SPECC1L: variants seen among roughly 807,000 people sequenced by gnomAD.
SPECC1L encodes the protein cytospin-A.
In SPECC1L, 40 loss-of-function variants were observed where a neutral mutation model predicts 116.8. The observed-to-expected ratio is 0.34, with a 90% CI of 0.27 to 0.45. SPECC1L has a LOEUF of 0.45. Among genes scored for constraint, SPECC1L ranks in the 20% least tolerant of loss-of-function variants. The pLI is 1.00. For missense variants in SPECC1L, 1,110 were observed against 1,373.6 expected (o/e 0.81, Z 3.03); for synonymous variants, 504 against 500.6 (o/e 1.01, Z -0.09).
intron 14 of SPECC1L, among the ~76,000 whole-genome samples, chr22:24,400,308 A>T (rs2042448222): frequency 6.6e-6 from 1 of 152,210 alleles, no homozygotes; most frequent in African/African-American, 2.4e-5. Context: ...ATTTCATATA[A>T]ATAGAATCAT....
intron 3 of SPECC1L, among the ~76,000 whole-genome samples, chr22:24,305,177 T>C (rs1262332436): frequency 6.6e-6 from 1 of 152,232 alleles, no homozygotes; most frequent in East Asian, 1.9e-4. Context: ...ACTTTTTTTG[T>C]TGAAGTAAAG....
intron 14 of SPECC1L, among the ~76,000 whole-genome samples, chr22:24,409,727 G>A (rs1279262568): frequency 1.3e-5 from 2 of 152,158 alleles, no homozygotes; most frequent in Non-Finnish European, 2.9e-5. Flanking sequence ...GGAATAAGGT[G>A]CCCCTTAAAA....
At chr22:24,296,672 G>T (rs1478622793) in intron 2 of SPECC1L, among the ~76,000 whole-genome samples, 2 of 152,266 alleles carry the variant, frequency 1.3e-5, no homozygotes, top group Non-Finnish European at 2.9e-5. Context: ...CTCTGCCTGG[G>T]GGGGCTCTAG....
intron 2 of SPECC1L, among the ~76,000 whole-genome samples, chr22:24,297,783 G>A (rs1346850573): frequency 1.3e-5 from 2 of 152,320 alleles, no homozygotes; most frequent in East Asian, 3.9e-4. Context: ...TGGAAGATGA[G>A]TCCTCACTTT....
chr22:24,354,828 A>AT (rs752977778), intron 11 of SPECC1L, among the ~76,000 whole-genome samples: 10 of 151,600 alleles, frequency 6.6e-5, no homozygotes, highest in East Asian at 2.0e-4. Flanking sequence ...CACCTGGCTA[A>AT]TTTTTTTGTA....
In SPECC1L at chr22:24,377,042, C is replaced by T. The variant is rs1037085945; in HGVS notation, c.3087+7722C>T. Among the ~76,000 whole-genome samples the T allele has an allele frequency of 2.6e-5, 4 of 152,122 alleles. No homozygotes were observed. The East Asian group carries it at 7.7e-4, about 29-fold the overall frequency. On this transcript the variant is annotated intron_variant, in intron 14 of 16. Coordinates refer to ENST00000314328, the MANE Select transcript of SPECC1L (RefSeq NM_015330.6). The stretch of plus-strand genomic sequence containing the variant: ...CTATTTACTATAGGCAACCACTAAT[C>T]TACTTTCTGTCCTATAGATTTCTTT...
At chr22:24,334,157 C>T (rs1408918804) in intron 8 of SPECC1L, among the ~76,000 whole-genome samples, 5 of 151,798 alleles carry the variant, frequency 3.3e-5, no homozygotes, top group South Asian at 2.1e-4. Flanking sequence ...GGAGTACAGG[C>T]GCCCACCACC....
intron 6 of SPECC1L, among the ~76,000 whole-genome samples, chr22:24,327,650 T>TA (rs201501093): frequency 2.2e-4 from 32 of 148,190 alleles, no homozygotes; most frequent in South Asian, 8.6e-4. Context: ...GGATACTTAT[T>TA]AAAAAAAAAA....
intron 2 of SPECC1L, among the ~76,000 whole-genome samples, chr22:24,285,762 G>T (rs1222839642): frequency 1.3e-5 from 2 of 151,970 alleles, no homozygotes; most frequent in African/African-American, 2.4e-5. Flanking sequence ...TCCTGCCTCA[G>T]CCTTGAGTAG....
intron 14 of SPECC1L, among the ~76,000 whole-genome samples, chr22:24,399,337 G>A (rs1601349068): frequency 1.3e-5 from 2 of 152,176 alleles, no homozygotes; most frequent in East Asian, 1.9e-4. Context: ...TTGGGAGGCC[G>A]AGGCGGGTGG....
chr22:24,298,995 A>G (rs1366675520), intron 2 of SPECC1L, among the ~76,000 whole-genome samples: 7 of 152,206 alleles, frequency 4.6e-5, no homozygotes, highest in Admixed American at 3.3e-4. Flanking sequence ...GATAGCATTC[A>G]TGATAGGTAG....
intron 3 of SPECC1L, among the ~76,000 whole-genome samples, chr22:24,311,753 C>T (rs1417834760): frequency 4.9e-5 from 7 of 141,980 alleles, no homozygotes; most frequent in Admixed American, 4.6e-4. Context: ...TGCAGTGAGC[C>T]GAGATCATGC....
intron 3 of SPECC1L, among the ~76,000 whole-genome samples, chr22:24,309,408 A>AT (rs199820477): frequency 0.047 from 7,076 of 151,646 alleles, 284 homozygotes; most frequent in Middle Eastern, 0.095. Context: ...CTGAAGTTCA[A>AT]TTTTTTTTTC....
intron 4 of SPECC1L, among the ~76,000 whole-genome samples, chr22:24,316,788 G>A (rs2040578736): frequency 6.7e-6 from 1 of 148,748 alleles, no homozygotes; most frequent in Admixed American, 6.7e-5. Flanking sequence ...TCAATGAGCT[G>A]TTGGGTACAC....
chr22:24,307,478 C>G (rs2049523590), intron 3 of SPECC1L, among the ~76,000 whole-genome samples: 1 of 152,106 alleles, frequency 6.6e-6, no homozygotes. Context: ...CTCCCCTCCC[C>G]TCCACTTCAT....
chr22:24,380,187 T>G (rs567630891), intron 14 of SPECC1L, among the ~76,000 whole-genome samples: 12 of 152,166 alleles, frequency 7.9e-5, no homozygotes, highest in Non-Finnish European at 1.5e-4. Flanking sequence ...GCATAATCTT[T>G]TAAAACTGAA....
intron 14 of SPECC1L, among the ~76,000 whole-genome samples, 172 bp from the exon 15 acceptor site, chr22:24,411,416 C>T (rs999257002): frequency 4.9e-5 from 7 of 144,018 alleles, no homozygotes; most frequent in African/African-American, 7.4e-5. Flanking sequence ...GTGGGTGGGA[C>T]GGGTTGGGGA....
chr22:24,403,932 T>C (rs2042531285), intron 14 of SPECC1L, among the ~76,000 whole-genome samples: 1 of 152,194 alleles, frequency 6.6e-6, no homozygotes, highest in African/African-American at 2.4e-5. Context: ...TTGGGCAACA[T>C]AGTGAGAGAC....
Position 24,334,579 on chromosome 22 carries a change from T to C in SPECC1L, c.2560+6T>C, listed in dbSNP as rs2041011569. The C allele has an allele frequency of 6.2e-7, 1 of 1,614,084 alleles. No homozygotes were observed. The highest frequency in any genetic ancestry group is 1.1e-5 in the South Asian group (1 of 91,072). ...CTTTGACAGTGCATCTCAAGGTAAT[T>C]AATTTCTCCTACATTGTGCCTACTG... On this transcript the variant is annotated splice_donor_region_variant and intron_variant, in intron 9 of 16. Transcript: ENST00000314328.
Sources: gnomAD v4.1 joint callset for allele counts (sites outside exome capture counted in the v4.1 genomes callset) on GRCh38, gnomAD v4.1.1 for gene constraint, MANE v1.5 for transcripts, NCBI Gene and HGNC (gene_info 2026-07-23, HGNC 2026-07-21) for gene names.